LIMA1: variants seen among roughly 807,000 people sequenced by gnomAD.
The protein encoded by LIMA1 is LIM domain and actin-binding protein 1.
In LIMA1, 52 loss-of-function variants were observed where a neutral mutation model predicts 62.6. The observed-to-expected ratio is 0.83, with a 90% CI of 0.67 to 1.05. The LOEUF is 1.05. LIMA1 is among the 50% of genes least tolerant of loss of function. The probability of loss-of-function intolerance (pLI) is 0.00; values close to 1 mark genes in which losing one functional copy is unlikely to be tolerated. For missense variants in LIMA1, 780 were observed against 902.2 expected (o/e 0.86, Z 1.74); for synonymous variants, 302 against 317.8 (o/e 0.95, Z 0.53).
At chr12:50,200,172 G>T (rs1373512671) in intron 7 of LIMA1, among the ~76,000 whole-genome samples, 1 of 152,098 alleles carries the variant, frequency 6.6e-6, no homozygotes, top group Non-Finnish European at 1.5e-5. Flanking sequence ...TGGGATTACA[G>T]GCGTGAGCCA....
intron 9 of LIMA1, chr12:50,189,837 A>G (rs1940712948): frequency 6.6e-6 from 1 of 152,106 alleles, no homozygotes; most frequent in Non-Finnish European, 1.5e-5. Context: ...TCAGCCTCCC[A>G]AGTAGCTGGG....
At chr12:50,178,544 AAG>A (rs1392251732) in intron 10 of LIMA1, among the ~76,000 whole-genome samples, 3 of 151,836 alleles carry the variant, frequency 2.0e-5, no homozygotes, top group Admixed American at 6.6e-5. Context: ...AAAAAAAAAA[AAG>A]AAAAAAAAAC....
intron 6 of LIMA1, among the ~76,000 whole-genome samples, chr12:50,202,886 GGTTT>G (rs1336994383): frequency 6.6e-6 from 1 of 151,974 alleles, no homozygotes; most frequent in African/African-American, 2.4e-5. Flanking sequence ...AGAGATTAAT[GGTTT>G]GTAATTTGAA....
rs762165918 is a variant in LIMA1, at chr12:50,206,013, T to C, written c.686A>G (p.Tyr229Cys). 17 of 1,612,458 alleles carry C rather than the reference T, an allele frequency of 1.1e-5. No homozygotes were observed. The East Asian group carries it at 2.9e-4, about 28-fold the overall frequency. ...GCCTATTTCCAGGTCATCTAGAGAA[T>C]AGCTGTTTTCAGAGATCTTCCTTCC... is the stretch of plus-strand genomic sequence containing the variant. ...ASGRKISENSYSLDDLEIGPG... is the reference protein window; with the variant it reads ...ASGRKISENSCSLDDLEIGPG... Residue 229 changes from tyrosine to cysteine, a missense_variant, in exon 5 of 11, where the codon TAT becomes TGT. Tyr to Cys is a radical substitution (Grantham distance 194, BLOSUM62 -2). Coordinates refer to ENST00000341247, the MANE Select transcript of LIMA1 (RefSeq NM_016357.5).
chr12:50,210,355 G>A (rs1043607387), intron 4 of LIMA1, among the ~76,000 whole-genome samples: 1 of 145,390 alleles, frequency 6.9e-6, no homozygotes. Flanking sequence ...CCAGGGAGGT[G>A]GAGGTTGCAG....
chr12:50,213,229 G>A (rs1592525475), intron 4 of LIMA1, among the ~76,000 whole-genome samples: 1 of 152,192 alleles, frequency 6.6e-6, no homozygotes, highest in Non-Finnish European at 1.5e-5. Flanking sequence ...AATTAGTTAA[G>A]CATAAACTGT....
At chr12:50,188,707 G>C (rs2138411008) in intron 9 of LIMA1, 1 of 152,354 alleles carries the variant, frequency 6.6e-6, no homozygotes, top group South Asian at 2.1e-4. Flanking sequence ...TAAGTGAGGT[G>C]TGCCCTTTCA....
chr12:50,283,306 A>G, intron 1 of LIMA1, 114 bp downstream of exon 1: 1 of 152,100 alleles, frequency 6.6e-6, no homozygotes, highest in Non-Finnish European at 1.5e-5. Context: ...CTCGAGGGGG[A>G]GGGACTCACA....
chr12:50,211,337 A>G (rs1270168528), intron 4 of LIMA1, among the ~76,000 whole-genome samples: 19 of 149,934 alleles, frequency 1.3e-4, no homozygotes, highest in African/African-American at 4.4e-4. Flanking sequence ...CCCCCAAAAA[A>G]AAAAAAAAAA....
intron 9 of LIMA1, among the ~76,000 whole-genome samples, chr12:50,184,408 C>A (rs1940580293): frequency 6.6e-6 from 1 of 152,180 alleles, no homozygotes; most frequent in African/African-American, 2.4e-5. Context: ...TTTGGGAGGC[C>A]AAGGCAGGTG....
At chr12:50,261,006 G>T in intron 1 of LIMA1, among the ~76,000 whole-genome samples, 2 of 99,178 alleles carry the variant, frequency 2.0e-5, no homozygotes. Flanking sequence ...CCCTCTCCCT[G>T]CTTTTTTTGT....
chr12:50,271,369 A>T (rs1942209897), intron 1 of LIMA1, among the ~76,000 whole-genome samples: 1 of 152,188 alleles, frequency 6.6e-6, no homozygotes, highest in Non-Finnish European at 1.5e-5. Context: ...AAATTAAAAA[A>T]TTACCAGATC....
At chr12:50,246,347 GA>G (rs1449525553) in intron 2 of LIMA1, among the ~76,000 whole-genome samples, 1 of 152,046 alleles carries the variant, frequency 6.6e-6, no homozygotes, top group Non-Finnish European at 1.5e-5. Flanking sequence ...TAAGGAGGGT[GA>G]AAAGGGTAAG....
At chr12:50,199,781 AAT>A (rs1327918630) in intron 7 of LIMA1, among the ~76,000 whole-genome samples, 1 of 152,204 alleles carries the variant, frequency 6.6e-6, no homozygotes, top group African/African-American at 2.4e-5. Flanking sequence ...TTAAATTAAG[AAT>A]ATATGAGTAT....
chr12:50,222,133 TC>T lies in LIMA1; in HGVS notation c.517del (p.Glu173LysfsTer15). The T allele has an allele frequency of 1.2e-6, 2 of 1,614,206 alleles. No individual in the cohort carries two copies. Among genetic ancestry groups the T allele is most frequent in the Non-Finnish European group, 1.7e-6 (2 of 1,180,022 alleles). On this transcript the variant is annotated frameshift_variant, in exon 4 of 11. Transcript: ENST00000341247. LOFTEE classifies it high-confidence loss of function. Reference protein sequence around the residue: ...NCLGESRHEVEKSEISENTDA... With the variant: ...NCLGESRHEVXKSEISENTDA... ...TGTGTTTTCACTGATTTCTGATTTTTCTACTTCATGCCTGGATTCTCCTAGA... is the reference window on the plus strand; with the variant it reads ...TGTGTTTTCACTGATTTCTGATTTTTTACTTCATGCCTGGATTCTCCTAGA...
At chr12:50,194,761 G>A (rs1298195522) in intron 8 of LIMA1, among the ~76,000 whole-genome samples, 1 of 151,650 alleles carries the variant, frequency 6.6e-6, no homozygotes, top group Admixed American at 6.6e-5. Flanking sequence ...AAATTAGCTG[G>A]GTACGGCCAG....
At chr12:50,242,294 C>A (rs1363375071) in intron 2 of LIMA1, among the ~76,000 whole-genome samples, 7 of 151,340 alleles carry the variant, frequency 4.6e-5, no homozygotes. Context: ...ACCAGGCTGA[C>A]TTGAAGGTCA....
In LIMA1 at chr12:50,218,916, CA is replaced by C. The variant is rs202162435; in HGVS notation, c.630+3104del. 8.6e-4 allele frequency among the ~76,000 whole-genome samples: 119 copies of C among 138,720 alleles called. 1 individual carries two copies. Among genetic ancestry groups the C allele is most frequent in the African/African-American group, 2.9e-3 (109 of 36,992 alleles). 91.0% of individuals were successfully genotyped at this position (138,720 alleles called of 152,430 possible). ...TCCATAAAAAAAAAAAAAACAAAAA[CA>C]AAAAAAAAACGCATTTCAAACAATA... On this transcript the variant is annotated intron_variant, in intron 4 of 10. Transcript: ENST00000341247.
At chr12:50,183,652 A>C (rs1050648042) in intron 9 of LIMA1, among the ~76,000 whole-genome samples, 5 of 151,896 alleles carry the variant, frequency 3.3e-5, no homozygotes, top group Admixed American at 1.3e-4. Flanking sequence ...CTCTACTAAA[A>C]ATACAAAAAT....
Sources: gnomAD v4.1 joint callset for allele counts (sites outside exome capture counted in the v4.1 genomes callset) on GRCh38, gnomAD v4.1.1 for gene constraint, MANE v1.5 for transcripts, NCBI Gene and HGNC (gene_info 2026-07-23, HGNC 2026-07-21) for gene names.